The following NELL1 variants were observed in gnomAD, a reference collection of about 807,000 sequenced individuals.
The protein encoded by NELL1 is neural EGFL like 1, also known as protein kinase C-binding protein NELL1.
Under a neutral mutation model 107.4 loss-of-function variants are expected in NELL1, and 76 were observed. That is an observed-to-expected ratio of 0.71 (90% CI 0.59 to 0.86). The LOEUF (loss-of-function observed/expected upper bound fraction) is 0.86. Among genes scored for constraint, NELL1 ranks in the 40% least tolerant of loss-of-function variants. The pLI is 0.00. For missense variants in NELL1, 1,024 were observed against 1,005.5 expected, an observed-to-expected ratio of 1.02 and a Z score of -0.25; for synonymous variants, 353 against 341.2, an observed-to-expected ratio of 1.03 and a Z score of -0.38.
Position 20,915,699 on chromosome 11 carries a change from T to TTATATATATATATATA in NELL1, c.604-2483_604-2482insTATATATATATATATA, listed in dbSNP as rs1242467428. On this transcript the variant is annotated intron_variant, in intron 5 of 19. Transcript: ENST00000357134. ...TTTCATCTGTGGAAATCCTCATAGATGATATATATATATATATATTTTTTT... is the reference window on the plus strand; with the variant it reads ...TTTCATCTGTGGAAATCCTCATAGATTATATATATATATATAGATATATATATATATATATTTTTTT... 1.7e-3 allele frequency among the ~76,000 whole-genome samples: 35 copies of TTATATATATATATATA among 20,382 alleles called. 6 individuals are homozygous for TTATATATATATATATA. Among genetic ancestry groups the TTATATATATATATATA allele is most frequent in the African/African-American group, 3.2e-3 (32 of 9,984 alleles). The allele number at this position is 20,382 out of a possible 152,430, so 13.4% of individuals were successfully genotyped here.
chr11:20,957,921 G>T (rs957922600), intron 11 of NELL1, among the ~76,000 whole-genome samples: 1 of 151,980 alleles, frequency 6.6e-6, no homozygotes, highest in African/African-American at 2.4e-5. Flanking sequence ...TGAGAAGAAA[G>T]AACATTTATC....
intron 13 of NELL1, among the ~76,000 whole-genome samples, chr11:21,228,437 G>A (rs1857949987): frequency 6.6e-6 from 1 of 152,026 alleles, no homozygotes; most frequent in Non-Finnish European, 1.5e-5. Context: ...ATGAAAGTGG[G>A]CTATATGGAA....
chr11:20,935,482 AG>A (rs1180079604), intron 9 of NELL1, among the ~76,000 whole-genome samples: 2 of 152,166 alleles, frequency 1.3e-5, no homozygotes, highest in Non-Finnish European at 1.5e-5. Flanking sequence ...GATGTTTTGT[AG>A]GGTGAATGAA....
intron 15 of NELL1, among the ~76,000 whole-genome samples, chr11:21,449,958 A>G (rs1175861223): frequency 6.6e-6 from 1 of 152,224 alleles, no homozygotes; most frequent in East Asian, 1.9e-4. Flanking sequence ...GTAGGTTGAT[A>G]ACCTTGGAAT....
chr11:21,567,034 CATTCTT>C (rs1856988656), intron 17 of NELL1, among the ~76,000 whole-genome samples: 1 of 151,792 alleles, frequency 6.6e-6, no homozygotes, highest in Non-Finnish European at 1.5e-5. Context: ...AGAAAACTGA[CATTCTT>C]ATTGAGTCTC....
intron 15 of NELL1, among the ~76,000 whole-genome samples, chr11:21,393,153 G>A (rs1482845645): frequency 1.3e-5 from 2 of 151,576 alleles, no homozygotes; most frequent in Non-Finnish European, 3.0e-5. Flanking sequence ...TGCATAATTG[G>A]GGTTGAAGGA....
At chr11:21,350,354 G>A (rs1850779231) in intron 14 of NELL1, among the ~76,000 whole-genome samples, 1 of 138,792 alleles carries the variant, frequency 7.2e-6, no homozygotes, top group Non-Finnish European at 1.6e-5. Context: ...TAACTACTGA[G>A]CAAGATCTTT....
intron 15 of NELL1, among the ~76,000 whole-genome samples, chr11:21,512,999 A>G (rs1344973211): frequency 6.6e-6 from 1 of 152,162 alleles, no homozygotes; most frequent in East Asian, 1.9e-4. Context: ...GGTTAATGGC[A>G]CCTATTTCCC....
intron 12 of NELL1, among the ~76,000 whole-genome samples, chr11:21,036,590 T>A (rs1853098373): frequency 6.6e-6 from 1 of 152,162 alleles, no homozygotes; most frequent in East Asian, 1.9e-4. Flanking sequence ...CATTCTGCCT[T>A]TGAAGTCTCT....
At chr11:21,358,806 T>C (rs558206979) in intron 14 of NELL1, among the ~76,000 whole-genome samples, 2 of 152,140 alleles carry the variant, frequency 1.3e-5, no homozygotes, top group African/African-American at 4.8e-5. Flanking sequence ...ATTGTTGATA[T>C]GTACCAGTGC....
intron 15 of NELL1, among the ~76,000 whole-genome samples, chr11:21,503,826 A>G (rs1855212284): frequency 6.6e-6 from 1 of 151,464 alleles, no homozygotes; most frequent in African/African-American, 2.4e-5. Flanking sequence ...GTCCCTAATT[A>G]TGAGCTGTTT....
chr11:21,207,146 TTCTAAATGATC>T (rs1857406956), intron 13 of NELL1, among the ~76,000 whole-genome samples: 2 of 152,196 alleles, frequency 1.3e-5, no homozygotes, highest in Admixed American at 1.3e-4. Context: ...AATAATGCAT[TTCTAAATGATC>T]TCTCTGGAAC....
At chr11:21,126,262 C>T (rs114427217) in intron 13 of NELL1, among the ~76,000 whole-genome samples, 1,551 of 152,232 alleles carry the variant, frequency 0.01, 24 homozygotes, top group African/African-American at 0.036. Flanking sequence ...CGAATGCAGA[C>T]AAGATCGGGT....
At chr11:20,731,288 A>G (rs7104485) in intron 2 of NELL1, among the ~76,000 whole-genome samples, 17,072 of 152,274 alleles carry the variant, frequency 0.11, 1,102 homozygotes, top group Non-Finnish European at 0.15. Context: ...CACTTTGGAA[A>G]TTACCTGCTG....
intron 12 of NELL1, among the ~76,000 whole-genome samples, chr11:20,971,933 C>T (rs573372352): frequency 6.6e-6 from 1 of 151,734 alleles, no homozygotes. Flanking sequence ...GAACAGAAAA[C>T]CAAACACCGC....
At chr11:21,053,201 A>G (rs1428779428) in intron 12 of NELL1, among the ~76,000 whole-genome samples, 1 of 152,056 alleles carries the variant, frequency 6.6e-6, no homozygotes, top group Non-Finnish European at 1.5e-5. Context: ...TACGTGTGCC[A>G]TGGTGGTTTG....
At chr11:21,007,388 GAC>G (rs66809505) in intron 12 of NELL1, among the ~76,000 whole-genome samples, 18,200 of 148,850 alleles carry the variant, frequency 0.12, 1,407 homozygotes, top group East Asian at 0.26. Context: ...CACACACACA[GAC>G]ACACACACAC....
intron 2 of NELL1, among the ~76,000 whole-genome samples, chr11:20,754,311 A>C (rs1486425398): frequency 1.3e-5 from 2 of 152,330 alleles, no homozygotes; most frequent in East Asian, 3.9e-4. Flanking sequence ...CGTGTTGATA[A>C]TATAGTTAGG....
chr11:21,361,951 G>C (rs1851086073), intron 14 of NELL1, among the ~76,000 whole-genome samples: 3 of 152,026 alleles, frequency 2.0e-5, no homozygotes, highest in Admixed American at 1.3e-4. Context: ...TCTTTGAGTA[G>C]CTTAATAATC....
Sources: gnomAD v4.1 joint callset for allele counts (sites outside exome capture counted in the v4.1 genomes callset) on GRCh38, gnomAD v4.1.1 for gene constraint, MANE v1.5 for transcripts, NCBI Gene and HGNC (gene_info 2026-07-23, HGNC 2026-07-21) for gene names.